Variants in SOX5 observed in about 807,000 individuals in gnomAD.
The protein encoded by SOX5 is SRY-box transcription factor 5, also known as transcription factor SOX-5.
A neutral mutation model predicts 92.0 loss-of-function variants in SOX5; 9 were observed. That is an observed-to-expected ratio of 0.10 (90% CI 0.06 to 0.17). The LOEUF is 0.17. Among genes scored for constraint, SOX5 ranks in the 10% least tolerant of loss-of-function variants. SOX5 has a pLI of 1.00. For synonymous variants in SOX5, 344 were observed against 336.3 expected, an observed-to-expected ratio of 1.02 and a Z score of -0.25; for missense variants, 642 against 944.5, an observed-to-expected ratio of 0.68 and a Z score of 4.20.
At chr12:23,941,097 A>G (rs997779658) in intron 1 of SOX5, among the ~76,000 whole-genome samples, 1 of 151,540 alleles carries the variant, frequency 6.6e-6, no homozygotes, top group Non-Finnish European at 1.5e-5. Flanking sequence ...CTGCAGCTTC[A>G]TTAGAATTTG....
chr12:24,427,759 C>A (rs1400172115), intron 1 of SOX5, among the ~76,000 whole-genome samples: 1 of 152,154 alleles, frequency 6.6e-6, no homozygotes, highest in Non-Finnish European at 1.5e-5. Context: ...CAGTAAAAGA[C>A]TAACAGGCAG....
At chr12:24,535,834 T>C (rs1323528168) in intron 1 of SOX5, among the ~76,000 whole-genome samples, 2 of 152,088 alleles carry the variant, frequency 1.3e-5, no homozygotes, top group Admixed American at 1.3e-4. Flanking sequence ...CTGAAAACCA[T>C]TCTCTACCAC....
rs184958791 is a variant in SOX5, at chr12:24,321,276, T to C, written c.-173-43964A>G. On this transcript the variant is annotated intron_variant, in intron 2 of 4. Coordinates refer to the SOX5 transcript ENST00000446891. ...TGTTTCATTAATTAATAACATTCTG[T>C]GCACTTAAGATATTGTTACCACAAT... 1.6e-3 allele frequency among the ~76,000 whole-genome samples: 250 copies of C among 152,334 alleles called. 4 individuals carry two copies. The highest frequency in any genetic ancestry group is 5.6e-3 in the African/African-American group (233 of 41,578).
intron 1 of SOX5, among the ~76,000 whole-genome samples, chr12:23,906,894 G>T (rs1456819159): frequency 2.7e-5 from 4 of 150,790 alleles, no homozygotes; most frequent in African/African-American, 9.8e-5. Context: ...GAGACATATG[G>T]TTGCCATATG....
intron 2 of SOX5, among the ~76,000 whole-genome samples, chr12:23,876,148 A>T (rs991312957): frequency 6.6e-6 from 1 of 152,168 alleles, no homozygotes; most frequent in Non-Finnish European, 1.5e-5. Context: ...TTAAAAGTAT[A>T]GTAAAAGGCA....
intron 8 of SOX5, among the ~76,000 whole-genome samples, chr12:23,612,076 A>G (rs2076034021): frequency 1.3e-5 from 2 of 152,088 alleles, no homozygotes; most frequent in African/African-American, 2.4e-5. Flanking sequence ...ACCATTTAAT[A>G]CTATTTTTGT....
intron 1 of SOX5, among the ~76,000 whole-genome samples, chr12:23,916,654 A>T (rs1462170201): frequency 6.6e-6 from 1 of 152,220 alleles, no homozygotes; most frequent in African/African-American, 2.4e-5. Context: ...AATGTTACCA[A>T]TATTGTTTTA....
intron 9 of SOX5, among the ~76,000 whole-genome samples, chr12:23,590,834 C>T (rs577739199): frequency 7.2e-5 from 11 of 152,066 alleles, no homozygotes; most frequent in African/African-American, 1.7e-4. Flanking sequence ...ATATAAACAA[C>T]GTATTGCTTT....
chr12:24,344,692 T>C (rs969215301), intron 2 of SOX5, among the ~76,000 whole-genome samples: 1 of 152,212 alleles, frequency 6.6e-6, no homozygotes, highest in Non-Finnish European at 1.5e-5. Flanking sequence ...TTGGGTGGTC[T>C]CTTGTGAGAG....
intron 4 of SOX5, among the ~76,000 whole-genome samples, chr12:23,989,884 A>T (rs1179083036): frequency 6.6e-6 from 1 of 152,154 alleles, no homozygotes; most frequent in Non-Finnish European, 1.5e-5. Context: ...GCTTGAACAG[A>T]CTAAGACAGC....
At chr12:24,023,112 A>C (rs1330147162) in intron 4 of SOX5, among the ~76,000 whole-genome samples, 1 of 152,134 alleles carries the variant, frequency 6.6e-6, no homozygotes, top group African/African-American at 2.4e-5. Context: ...CTACCAAAAA[A>C]GTTACAAATT....
In SOX5 at chr12:24,031,204, T is replaced by TAC. The variant is rs1438481267; in HGVS notation, c.-1-135181_-1-135180insGT. Among the ~76,000 whole-genome samples, 3 of 148,274 alleles carry TAC rather than the reference T, an allele frequency of 2.0e-5. No homozygotes were observed. In the South Asian group the frequency reaches 6.3e-4, roughly 31 times the overall value. On this transcript the variant is annotated intron_variant, in intron 4 of 4. Coordinates refer to the SOX5 transcript ENST00000446891. ...TCCAGCAATCCTGCTACTAGTTATA[T>TAC]ATATATATATACACAAAGGAAATCA...
At chr12:24,250,207 G>A (rs987704315) in intron 3 of SOX5, among the ~76,000 whole-genome samples, 1 of 152,134 alleles carries the variant, frequency 6.6e-6, no homozygotes, top group African/African-American at 2.4e-5. Context: ...TAAAGTTTTT[G>A]TTCTGTTTAA....
At chr12:24,026,198 G>A (rs1321097727) in intron 4 of SOX5, among the ~76,000 whole-genome samples, 1 of 152,026 alleles carries the variant, frequency 6.6e-6, no homozygotes, top group Non-Finnish European at 1.5e-5. Flanking sequence ...TTTTGACGGG[G>A]TAACCACGGG....
intron 4 of SOX5, among the ~76,000 whole-genome samples, chr12:23,962,054 G>A (rs559298743): frequency 2.0e-5 from 3 of 152,270 alleles, no homozygotes; most frequent in Middle Eastern, 6.8e-3. Context: ...TAATGGTAGA[G>A]CATCTGGTAG....
intron 4 of SOX5, among the ~76,000 whole-genome samples, chr12:24,151,815 GTC>G (rs34705918): frequency 6.6e-6 from 1 of 151,754 alleles, no homozygotes; most frequent in Admixed American, 6.6e-5. Flanking sequence ...GATAGACAAC[GTC>G]TCTCTCTCTT....
chr12:23,802,596 T>C (rs1293895454), intron 3 of SOX5, among the ~76,000 whole-genome samples: 1 of 152,154 alleles, frequency 6.6e-6, no homozygotes, highest in Admixed American at 6.6e-5. Flanking sequence ...TGTGTGATTA[T>C]CCTCAATACG....
intron 2 of SOX5, among the ~76,000 whole-genome samples, chr12:23,865,422 T>A (rs1280456591): frequency 6.6e-6 from 1 of 152,186 alleles, no homozygotes; most frequent in African/African-American, 2.4e-5. Context: ...ATGCCTGTAA[T>A]CACAGCACTT....
intron 8 of SOX5, among the ~76,000 whole-genome samples, chr12:23,619,294 T>C (rs2076914151): frequency 2.0e-5 from 3 of 152,170 alleles, no homozygotes. Context: ...ATAATCATAA[T>C]AGCTGAAGTT....
Sources: allele counts gnomAD v4.1 joint callset (sites outside exome capture counted in the v4.1 genomes callset), GRCh38; gene constraint gnomAD v4.1.1; transcripts MANE v1.5; gene names NCBI Gene and HGNC (gene_info 2026-07-23, HGNC 2026-07-21).